ACOT12: variants seen among roughly 807,000 people sequenced by gnomAD.
ACOT12 encodes acetyl-coenzyme A thioesterase.
ACOT12 carries 51 observed loss-of-function variants against 67.7 expected under a neutral mutation model. That is an observed-to-expected ratio of 0.75 (90% CI 0.60 to 0.95). ACOT12 has a LOEUF of 0.95. ACOT12 is among the 40% of genes least tolerant of loss of function. The pLI is 0.00. For missense variants in ACOT12, 734 were observed against 708.1 expected (o/e 1.04, Z -0.41); for synonymous variants, 251 against 244.6 (o/e 1.03, Z -0.24).
At chr5:81,390,318 A>T (rs1347185537) in intron 1 of ACOT12, among the ~76,000 whole-genome samples, 1 of 151,044 alleles carries the variant, frequency 6.6e-6, no homozygotes, top group Non-Finnish European at 1.5e-5. Context: ...ATTTATATTG[A>T]TGTATTTTTG....
chr5:81,325,795 T>G (rs1255776473), downstream of ACOT12, among the ~76,000 whole-genome samples: 1 of 152,144 alleles, frequency 6.6e-6, no homozygotes, highest in East Asian at 1.9e-4. Context: ...GTGAAGGGTT[T>G]GAGAGTCTTG....
intron 4 of ACOT12, among the ~76,000 whole-genome samples, chr5:81,361,194 T>G (rs1759896700): frequency 6.8e-6 from 1 of 147,278 alleles, no homozygotes; most frequent in East Asian, 2.0e-4. Context: ...ATGTGTAGAT[T>G]GATGGCATGC....
chr5:81,332,900 T>G (rs1204650582), intron 12 of ACOT12, among the ~76,000 whole-genome samples: 1 of 152,020 alleles, frequency 6.6e-6, no homozygotes, highest in Non-Finnish European at 1.5e-5. Context: ...ACCCTATCTT[T>G]ATAAAAATTT....
chr5:81,336,381 A>T (rs1274948418), intron 11 of ACOT12, among the ~76,000 whole-genome samples: 1 of 152,192 alleles, frequency 6.6e-6, no homozygotes, highest in Non-Finnish European at 1.5e-5. Context: ...AACTGAATCA[A>T]CCACTTCTAG....
intron 1 of ACOT12, among the ~76,000 whole-genome samples, chr5:81,386,684 T>C (rs1760732419): frequency 6.6e-6 from 1 of 152,188 alleles, no homozygotes; most frequent in Admixed American, 6.5e-5. Context: ...TCAGTCCTGG[T>C]GCCACATGAT....
chr5:81,317,276 C>T, the ACOT12 span, among the ~76,000 whole-genome samples: 7 of 152,104 alleles, frequency 4.6e-5, no homozygotes, highest in Admixed American at 2.0e-4. Context: ...CTAAGGTGGG[C>T]GGATCACCTG....
intron 1 of ACOT12, among the ~76,000 whole-genome samples, chr5:81,393,549 C>T (rs1760917957): frequency 1.3e-5 from 2 of 151,924 alleles, no homozygotes; most frequent in South Asian, 4.2e-4. Context: ...AAAAGCAAAA[C>T]AAAACAAAAC....
At chr5:81,389,308 C>G (rs570183619) in intron 1 of ACOT12, among the ~76,000 whole-genome samples, 1 of 152,146 alleles carries the variant, frequency 6.6e-6, no homozygotes, top group Non-Finnish European at 1.5e-5. Context: ...AGGCTATGCA[C>G]AGGGCCTTGA....
chr5:81,374,379 G>A (rs1330547688), intron 2 of ACOT12, among the ~76,000 whole-genome samples: 1 of 152,164 alleles, frequency 6.6e-6, no homozygotes, highest in Non-Finnish European at 1.5e-5. Flanking sequence ...CATGAAGATG[G>A]GGAGAAAACA....
Position 81,335,808 on chromosome 5 carries a change from A to T in ACOT12, c.1222T>A (p.Ser408Thr), listed in dbSNP as rs746716877. ...CACAAAGGTCGCTTTGTAAAGTCAG[A>T]CAAGAGACGATAAGCCAAATGTGCT... Reference protein sequence around the residue: ...SPAHLAYRLLSDFTKRPLWDP... With the variant: ...SPAHLAYRLLTDFTKRPLWDP... The change falls in exon 12 of 15, where the codon TCT becomes ACT. Residue 408 changes from serine to threonine, a missense_variant. Transcript: ENST00000307624. 5 of 1,613,734 alleles carry T rather than the reference A, an allele frequency of 3.1e-6. No homozygotes were observed. The highest frequency in any genetic ancestry group is 1.7e-5 in the Admixed American group (1 of 59,936).
intron 1 of ACOT12, among the ~76,000 whole-genome samples, chr5:81,390,616 G>T (rs1373230397): frequency 6.6e-6 from 1 of 150,728 alleles, no homozygotes; most frequent in Non-Finnish European, 1.5e-5. Context: ...TGATTCTCCT[G>T]CCTCAGCCTC....
intron 3 of ACOT12, among the ~76,000 whole-genome samples, chr5:81,371,339 A>G (rs1398886512): frequency 2.0e-5 from 3 of 152,106 alleles, no homozygotes; most frequent in Non-Finnish European, 4.4e-5. Flanking sequence ...TGTAGCCTCA[A>G]ACTCCTGGGC....
chr5:81,387,428 A>G (rs1167560435), intron 1 of ACOT12, among the ~76,000 whole-genome samples: 5 of 152,216 alleles, frequency 3.3e-5, no homozygotes, highest in Non-Finnish European at 7.3e-5. Context: ...AATACTTAAT[A>G]AACATTCATT....
chr5:81,325,746 C>T (rs1006195028), downstream of ACOT12, among the ~76,000 whole-genome samples: 1 of 152,126 alleles, frequency 6.6e-6, no homozygotes, highest in Admixed American at 6.6e-5. Flanking sequence ...TCAGATTTCT[C>T]TGACTTTTGA....
intron 2 of ACOT12, among the ~76,000 whole-genome samples, 200 bp downstream of exon 2, chr5:81,385,557 G>A (rs1760704058): frequency 6.6e-6 from 1 of 152,210 alleles, no homozygotes; most frequent in South Asian, 2.1e-4. Context: ...AATTGAGACT[G>A]TGAAGTTACA....
intron 8 of ACOT12, 38 bp downstream of exon 8, chr5:81,344,853 C>T (rs1301460755): frequency 6.2e-7 from 1 of 1,610,568 alleles, no homozygotes; most frequent in Non-Finnish European, 8.5e-7. Flanking sequence ...TCTCTATTCA[C>T]AGGTCCGGCT....
At chr5:81,335,995 A>T (rs1202607994) in intron 11 of ACOT12, 94 bp from the exon 12 acceptor site, 2 of 1,284,162 alleles carry the variant, frequency 1.6e-6, no homozygotes, top group African/African-American at 3.0e-5. Flanking sequence ...GACCAATTGC[A>T]CTAACTAAGG....
Position 81,342,688 on chromosome 5 carries a change from G to C in ACOT12, c.1112C>G (p.Thr371Ser). The change falls in exon 11 of 15, where the codon ACC becomes AGC. Residue 371 changes from threonine (T) to serine (S), a missense_variant. By Grantham distance (58) the Thr-to-Ser change is moderately conservative (BLOSUM62 1). Coordinates refer to ENST00000307624, the MANE Select transcript of ACOT12 (RefSeq NM_130767.3). Reference sequence around the variant, plus strand: ...GTGTCCTACCTTTTCCACAGTGCTGGTAACCTCCCAACCCCTTTTGGCTGC... The same window carrying C: ...GTGTCCTACCTTTTCCACAGTGCTGCTAACCTCCCAACCCCTTTTGGCTGC... The part of the protein sequence containing the change: ...KLAAKRGWEV[T>S]STVEKIKIYT... 3 of 1,614,142 alleles carry C rather than the reference G, an allele frequency of 1.9e-6. No homozygotes were observed. The highest frequency in any genetic ancestry group is 2.5e-6 in the Non-Finnish European group (3 of 1,179,998).
intron 1 of ACOT12, among the ~76,000 whole-genome samples, chr5:81,386,126 A>G (rs773790609): frequency 9.9e-5 from 15 of 152,258 alleles, no homozygotes; most frequent in Non-Finnish European, 2.1e-4. Flanking sequence ...TAGCAATTTT[A>G]GTAAGTTGGT....
Sources: allele counts gnomAD v4.1 joint callset (sites outside exome capture counted in the v4.1 genomes callset), GRCh38; gene constraint gnomAD v4.1.1; transcripts MANE v1.5; gene names NCBI Gene and HGNC (gene_info 2026-07-23, HGNC 2026-07-21).